The following BTAF1 variants were observed in gnomAD, a reference collection of about 807,000 sequenced individuals.
BTAF1 encodes TATA-binding protein-associated factor 172.
BTAF1 carries 38 observed loss-of-function variants against 227.1 expected under a neutral mutation model. The observed-to-expected ratio is 0.17, with a 90% CI of 0.13 to 0.22. The LOEUF (loss-of-function observed/expected upper bound fraction) is 0.22. BTAF1 is among the 10% of genes least tolerant of loss of function. The pLI is 1.00. For synonymous variants in BTAF1, 742 were observed against 751.9 expected, an observed-to-expected ratio of 0.99 and a Z score of 0.21; for missense variants, 1,598 against 2,204.0, an observed-to-expected ratio of 0.73 and a Z score of 5.51.
Position 91,956,463 on chromosome 10 carries a change from A to G in BTAF1, c.702-65A>G, listed in dbSNP as rs1431941363. 4.8e-6 allele frequency: 7 copies of G among 1,460,544 alleles called. No homozygotes were observed. The East Asian group carries it at 1.5e-4, about 30-fold the overall frequency. 90.5% of individuals were successfully genotyped at this position (1,460,544 alleles called of 1,614,324 possible). A position where few individuals can be genotyped will look rare whatever the true frequency, so the allele number is the denominator to read the frequency against. ...TTGTGATTCACATTATCTTTTATTC[A>G]TTTCATTCATTGTGGTTCACATTAC... On this transcript the variant is annotated intron_variant, in intron 6 of 37. Transcript: ENST00000265990.
rs774030044 is a variant in BTAF1, at chr10:91,940,018, A to G, written c.205A>G (p.Ile69Val). ...TGCAGCAGGACAAGCTGTTGAAGCTATAGTGAAAAATGTACCTGAGTGGAA... is the reference window on the plus strand; with the variant it reads ...TGCAGCAGGACAAGCTGTTGAAGCTGTAGTGAAAAATGTACCTGAGTGGAA... ...RIAAGQAVEA[I>V]VKNVPEWNPV... The change falls in exon 3 of 38, where the codon ATA (isoleucine) becomes GTA (valine). Residue 69 changes from isoleucine to valine, a missense_variant. Physicochemically the swap from Ile to Val is conservative, Grantham distance 29. This residue lies in a region of BTAF1 where 298 missense variants were observed against 395.2 expected (regional missense o/e 0.75). Coordinates refer to ENST00000265990, the MANE Select transcript of BTAF1 (RefSeq NM_003972.3). 6 of 1,613,062 alleles carry G rather than the reference A, an allele frequency of 3.7e-6. No individual in the cohort carries two copies. Among genetic ancestry groups the G allele is most frequent in the African/African-American group, 1.3e-5 (1 of 74,924 alleles).
At chr10:91,943,700 ACT>A (rs754417824) in intron 4 of BTAF1, among the ~76,000 whole-genome samples, 1 of 152,022 alleles carries the variant, frequency 6.6e-6, no homozygotes, top group East Asian at 1.9e-4. Context: ...TGGAGGTAAA[ACT>A]CTTCAAAATC....
In BTAF1 at chr10:92,029,605, T is replaced by G. The variant is rs1007767717; in HGVS notation, c.*672T>G. 1.3e-5 allele frequency: 2 copies of G among 151,864 alleles called. No homozygotes were observed. Among genetic ancestry groups the G allele is most frequent in the African/African-American group, 4.8e-5 (2 of 41,380 alleles). 9.4% of individuals were successfully genotyped at this position (151,864 alleles called of 1,614,324 possible). On this transcript the variant is annotated 3_prime_UTR_variant, in exon 38 of 38. Coordinates refer to ENST00000265990, the MANE Select transcript of BTAF1 (RefSeq NM_003972.3). ...CTACCATAACATCCTATTTAGAGGG[T>G]GGTTTTTTTTAATTTATCTAATGGC... is the stretch of plus-strand genomic sequence containing the variant.
intron 4 of BTAF1, 88 bp from the exon 5 acceptor site, chr10:91,951,315 A>AT (rs1419614713): frequency 3.7e-6 from 5 of 1,359,500 alleles, no homozygotes; most frequent in Non-Finnish European, 5.0e-6. Context: ...TGCTTTGTGT[A>AT]TTTTTTTATT....
intron 13 of BTAF1, 37 bp downstream of exon 13, chr10:91,964,238 C>G: frequency 6.3e-7 from 1 of 1,584,658 alleles, no homozygotes; most frequent in Non-Finnish European, 8.6e-7. Flanking sequence ...AGTAAAAAGT[C>G]TTTACATACC....
intron 34 of BTAF1, among the ~76,000 whole-genome samples, chr10:92,023,498 A>G (rs981145486): frequency 1.3e-5 from 2 of 152,170 alleles, no homozygotes; most frequent in Admixed American, 6.5e-5. Flanking sequence ...AACCTGGCCA[A>G]CATGGCGAAA....
At chr10:91,925,313 C>T (rs966275257) in intron 1 of BTAF1, among the ~76,000 whole-genome samples, 1 of 151,954 alleles carries the variant, frequency 6.6e-6, no homozygotes, top group African/African-American at 2.4e-5. Context: ...AATTTGTTAC[C>T]TCCCATATAA....
intron 25 of BTAF1, among the ~76,000 whole-genome samples, chr10:92,006,516 A>G (rs1665548975): frequency 1.3e-5 from 2 of 152,232 alleles, no homozygotes; most frequent in African/African-American, 4.8e-5. Context: ...GTTTTGTAAC[A>G]TCATGCGTCA....
chr10:91,966,791 T>G, intron 14 of BTAF1, 34 bp downstream of exon 14: 2 of 1,574,106 alleles, frequency 1.3e-6, no homozygotes, highest in Non-Finnish European at 1.7e-6. Flanking sequence ...TCTTGAAACT[T>G]ATATAAATTA....
At chr10:91,996,670 C>A in intron 24 of BTAF1, 100 bp downstream of exon 24, 1 of 1,108,902 alleles carries the variant, frequency 9.0e-7, no homozygotes, top group Non-Finnish European at 1.3e-6. Context: ...CATAAATAAC[C>A]TGCCTTGTTC....
intron 25 of BTAF1, among the ~76,000 whole-genome samples, chr10:92,007,101 G>T (rs1849952679): frequency 6.7e-6 from 1 of 149,072 alleles, no homozygotes; most frequent in South Asian, 2.1e-4. Context: ...TTGATAAGCA[G>T]CAGAATTCAC....
intron 6 of BTAF1, among the ~76,000 whole-genome samples, chr10:91,955,005 C>T (rs758490555): frequency 6.6e-6 from 1 of 152,164 alleles, no homozygotes; most frequent in Non-Finnish European, 1.5e-5. Flanking sequence ...TATGTATTCA[C>T]ATAAAGCTAA....
intron 34 of BTAF1, among the ~76,000 whole-genome samples, chr10:92,020,361 T>G (rs1165310978): frequency 6.6e-6 from 1 of 152,210 alleles, no homozygotes; most frequent in Non-Finnish European, 1.5e-5. Context: ...TTCAAAAGAT[T>G]AAGGGAAACA....
intron 24 of BTAF1, 107 bp from the exon 25 acceptor site, chr10:91,997,496 G>T: frequency 4.2e-6 from 4 of 953,474 alleles, no homozygotes; most frequent in Non-Finnish European, 4.6e-6. Context: ...TCATAATACA[G>T]ATGAGAAAAT....
rs34292341 is a variant in BTAF1, at chr10:91,947,735, C to CAAAA, written c.401-3649_401-3646dup. Among the ~76,000 whole-genome samples the CAAAA allele has an allele frequency of 1.3e-4, 14 of 107,330 alleles. 1 individual carries two copies. Among genetic ancestry groups the CAAAA allele is most frequent in the Non-Finnish European group, 1.9e-4 (11 of 57,910 alleles). 70.4% of individuals were successfully genotyped at this position (107,330 alleles called of 152,430 possible). A position where few individuals can be genotyped will look rare whatever the true frequency, so the allele number is the denominator to read the frequency against. ...TTTAGGACCAGTCTGTCAATGTTTG[C>CAAAA]AAAAAAAAAAAAAAAAAAAAAAGCC... is the stretch of plus-strand genomic sequence containing the variant. On this transcript the variant is annotated intron_variant, in intron 4 of 37. Coordinates refer to ENST00000265990, the MANE Select transcript of BTAF1 (RefSeq NM_003972.3).
chr10:92,002,838 A>G (rs955304474), intron 25 of BTAF1, among the ~76,000 whole-genome samples: 3 of 152,092 alleles, frequency 2.0e-5, no homozygotes, highest in African/African-American at 7.2e-5. Context: ...TGGTCTCATT[A>G]CTTTTTTAGT....
intron 4 of BTAF1, among the ~76,000 whole-genome samples, chr10:91,949,120 G>A (rs1845580069): frequency 1.3e-5 from 2 of 152,122 alleles, no homozygotes; most frequent in African/African-American, 4.8e-5. Context: ...AGACCAGCCT[G>A]GGCAGTCTAG....
Position 91,929,726 on chromosome 10 carries a change from AT to A in BTAF1, c.14+5645del, listed in dbSNP as rs1226285955. Among the ~76,000 whole-genome samples, 13 of 151,730 alleles carry A rather than the reference AT, an allele frequency of 8.6e-5. No homozygotes were observed. In the East Asian group the frequency reaches 1.9e-3, roughly 23 times the overall value. On this transcript the variant is annotated intron_variant, in intron 1 of 37. Transcript: ENST00000265990. ...CCTCCCTGTTAATTTATTTTTAATA[AT>A]TTTTTTTTAATAGAGATGAGGTCTC...
At chr10:91,997,100 GA>G (rs1345219015) in intron 24 of BTAF1, 9 of 1,288,098 alleles carry the variant, frequency 7.0e-6, no homozygotes, top group Non-Finnish European at 9.1e-6. Context: ...GAGCTCAAAA[GA>G]TGGATGAAGA....
Sources: allele counts gnomAD v4.1 joint callset (sites outside exome capture counted in the v4.1 genomes callset), GRCh38; gene constraint gnomAD v4.1.1; regional missense constraint gnomAD v4.1.1; transcripts MANE v1.5; gene names NCBI Gene and HGNC (gene_info 2026-07-23, HGNC 2026-07-21).